FRRS1L: variants seen among roughly 807,000 people sequenced by gnomAD.
FRRS1L encodes the protein DOMON domain-containing protein FRRS1L.
Under a neutral mutation model 28.6 loss-of-function variants are expected in FRRS1L, and 22 were observed. That is an observed-to-expected ratio of 0.77 (90% CI 0.55 to 1.10). The LOEUF (loss-of-function observed/expected upper bound fraction) is 1.10. Ranked by LOEUF, FRRS1L falls within the 50% of genes least tolerant of loss-of-function variation. The pLI, the probability that FRRS1L is intolerant of heterozygous loss-of-function variation, is 0.00. For synonymous variants in FRRS1L, 158 were observed against 151.4 expected (o/e 1.04, Z -0.32); for missense variants, 380 against 386.9 (o/e 0.98, Z 0.15).
Position 109,149,649 on chromosome 9 carries a change from T to C in FRRS1L, c.310A>G (p.Lys104Glu). 1 of 1,611,612 alleles carries C rather than the reference T, an allele frequency of 6.2e-7. No individual in the cohort carries two copies. Among genetic ancestry groups the C allele is most frequent in the Non-Finnish European group, 8.5e-7 (1 of 1,177,734 alleles). Residue 104 changes from lysine to glutamate, a missense_variant, in exon 2 of 5, where the codon AAG (lysine) becomes GAG (glutamate). Coordinates refer to ENST00000561981, the MANE Select transcript of FRRS1L (RefSeq NM_014334.4). ...KIKVDDCGKT[K>E]GCFRYGKPGC... ...AGTTCCACCAACCTAAAGCATCCCT[T>C]AGTTTTTCCACAGTCGTCCACTTTG... is the stretch of plus-strand genomic sequence containing the variant.
chr9:109,165,811 C>T (rs1384426916), intron 1 of FRRS1L, among the ~76,000 whole-genome samples: 1 of 152,134 alleles, frequency 6.6e-6, no homozygotes, highest in Non-Finnish European at 1.5e-5. Context: ...TTCATTTTTC[C>T]CACTGTCTAG....
In FRRS1L at chr9:109,166,987, C is replaced by T; in HGVS notation, c.152G>A (p.Gly51Asp). ...GTGGCGCGGCACCGCCTCGTCGGCG[C>T]CCGTGTCCCCCCGCGCGCGTCCCCG... ...GPRGRARGDT[G>D]ADEAVPRHDS... is the part of the protein sequence containing the mutation. Residue 51 changes from glycine to aspartate, a missense_variant, in exon 1 of 5, where the codon GGC (glycine) becomes GAC (aspartate). Gly to Asp is a moderately conservative substitution (Grantham distance 94). Transcript: ENST00000561981. The T allele has an allele frequency of 1.6e-6, 2 of 1,274,778 alleles. No individual in the cohort carries two copies. Among genetic ancestry groups the T allele is most frequent in the Non-Finnish European group, 2.0e-6 (2 of 1,007,908 alleles). 79.0% of individuals were successfully genotyped at this position (1,274,778 alleles called of 1,614,324 possible).
In FRRS1L at chr9:109,131,617, C is replaced by A. The variant is rs1232560765; in HGVS notation, c.*5838G>T. ...AAGTTGAAAATATCATAAGTCAAAA[C>A]AATTATGGGACATAACCCCATTGTA... On this transcript the variant is annotated 3_prime_UTR_variant, in exon 5 of 5. Coordinates refer to ENST00000561981, the MANE Select transcript of FRRS1L (RefSeq NM_014334.4). The A allele has an allele frequency of 6.6e-6, 1 of 152,174 alleles. No homozygotes were observed. The highest frequency in any genetic ancestry group is 1.5e-5 in the Non-Finnish European group (1 of 68,038). The allele number at this position is 152,174 out of a possible 1,614,324, so 9.4% of individuals were successfully genotyped here. A position where few individuals can be genotyped will look rare whatever the true frequency, so the allele number is the denominator to read the frequency against.
Position 109,135,197 on chromosome 9 carries a change from A to T in FRRS1L, c.*2258T>A, listed in dbSNP as rs1052235538. ...GGTGGTATTAGAAATCACAATCACCAGTGTTGCTCAATCATAAAGCCCACG... is the reference window on the plus strand; with the variant it reads ...GGTGGTATTAGAAATCACAATCACCTGTGTTGCTCAATCATAAAGCCCACG... On this transcript the variant is annotated 3_prime_UTR_variant, in exon 5 of 5. Coordinates refer to ENST00000561981, the MANE Select transcript of FRRS1L (RefSeq NM_014334.4). 2 of 152,256 alleles carry T rather than the reference A, an allele frequency of 1.3e-5. No homozygotes were observed. The allele number at this position is 152,256 out of a possible 1,614,324, so 9.4% of individuals were successfully genotyped here.
intron 1 of FRRS1L, among the ~76,000 whole-genome samples, chr9:109,166,313 A>G (rs2139350): frequency 0.2 from 30,804 of 151,986 alleles, 3,398 homozygotes; most frequent in Middle Eastern, 0.24. Flanking sequence ...GCACTAGGGG[A>G]CCATAACATA....
rs151212816 is a variant in FRRS1L at position 109,165,930 on chromosome 9, G to A, written c.238+971C>T. Among the ~76,000 whole-genome samples, 483 of 152,322 alleles carry A rather than the reference G, an allele frequency of 3.2e-3. 5 individuals carry two copies. Among genetic ancestry groups the A allele is most frequent in the African/African-American group, 0.011 (467 of 41,572 alleles). ...AGGATCCAGAGACACTGGTGACCAA[G>A]GAGCCTCCAGACCAGTTCTGGATTA... is the stretch of plus-strand genomic sequence containing the variant. On this transcript the variant is annotated intron_variant, in intron 1 of 4. Transcript: ENST00000561981.
At chr9:109,148,810 T>A (rs898927512) in intron 2 of FRRS1L, among the ~76,000 whole-genome samples, 4 of 152,184 alleles carry the variant, frequency 2.6e-5, no homozygotes. Flanking sequence ...TATCCCCCAA[T>A]CACCAGGTTT....
chr9:109,150,408 G>T (rs1969337), intron 1 of FRRS1L: 48,388 of 151,918 alleles, frequency 0.32, 8,073 homozygotes, highest in Middle Eastern at 0.37. Flanking sequence ...TAGAGACAGG[G>T]TTTCACCATA....
chr9:109,137,426 C>T lies in FRRS1L; in HGVS notation c.*29G>A. The T allele has an allele frequency of 7.2e-7, 1 of 1,388,658 alleles. No homozygotes were observed. The highest frequency in any genetic ancestry group is 9.6e-7 in the Non-Finnish European group (1 of 1,036,452). The allele number at this position is 1,388,658 out of a possible 1,614,324, so 86.0% of individuals were successfully genotyped here. A position where few individuals can be genotyped will look rare whatever the true frequency, so the allele number is the denominator to read the frequency against. The stretch of plus-strand genomic sequence containing the variant: ...TATTTATACTAAAGACTTCCCAATC[C>T]ATGTAATCTGTTGGCCCTGCAGCTG... On this transcript the variant is annotated 3_prime_UTR_variant, in exon 5 of 5. Transcript: ENST00000561981.
chr9:109,136,084 T>C lies in FRRS1L; in HGVS notation c.*1371A>G, dbSNP rs1291673083. ...ATCTCTACTAAAAATACAAAAAAATTAGCCAGGCATAGTGGCACATGCCTG... is the reference window on the plus strand; with the variant it reads ...ATCTCTACTAAAAATACAAAAAAATCAGCCAGGCATAGTGGCACATGCCTG... On this transcript the variant is annotated 3_prime_UTR_variant, in exon 5 of 5. Coordinates refer to ENST00000561981, the MANE Select transcript of FRRS1L (RefSeq NM_014334.4). The C allele has an allele frequency of 1.3e-5, 2 of 151,742 alleles. No homozygotes were observed. Among genetic ancestry groups the C allele is most frequent in the East Asian group, 3.9e-4 (2 of 5,100 alleles). 9.4% of individuals were successfully genotyped at this position (151,742 alleles called of 1,614,324 possible).
chr9:109,147,160 G>T lies in FRRS1L; in HGVS notation c.353C>A (p.Thr118Asn), dbSNP rs1357292984. The stretch of plus-strand genomic sequence containing the variant: ...CCGGTAGCTGAGGAAATAGTCACAG[G>T]TCTCTGCATTACAGCCTGGTTTGCC... ...RYGKPGCNAE[T>N]CDYFLSYRMI... is the part of the protein sequence containing the mutation. The change falls in exon 3 of 5, where the codon ACC becomes AAC. Residue 118 changes from threonine to asparagine, a missense_variant. Thr to Asn is a moderately conservative substitution (Grantham distance 65, BLOSUM62 0). Transcript: ENST00000561981. The T allele has an allele frequency of 6.2e-7, 1 of 1,613,438 alleles. No homozygotes were observed. The highest frequency in any genetic ancestry group is 1.1e-5 in the South Asian group (1 of 91,062).
chr9:109,161,159 C>CT (rs1200637370), intron 1 of FRRS1L, among the ~76,000 whole-genome samples: 11 of 151,648 alleles, frequency 7.3e-5, no homozygotes, highest in Admixed American at 1.3e-4. Flanking sequence ...CTACACCTAC[C>CT]TGTCCTCCTT....
intron 3 of FRRS1L, 41 bp downstream of exon 3, chr9:109,147,010 T>G: frequency 6.3e-7 from 1 of 1,594,804 alleles, no homozygotes. Flanking sequence ...CACAGCCAAC[T>G]AAAGAGAAAA....
rs893794551 is a variant in FRRS1L, at chr9:109,132,118, C to G, written c.*5337G>C. ...CCTCCTGAGTAGCTGGGACTACAGGCTCCCGCCACCACGCCCAGCTAATTT... is the reference window on the plus strand; with the variant it reads ...CCTCCTGAGTAGCTGGGACTACAGGGTCCCGCCACCACGCCCAGCTAATTT... On this transcript the variant is annotated 3_prime_UTR_variant, in exon 5 of 5. Transcript: ENST00000561981. The G allele has an allele frequency of 6.6e-6, 1 of 152,208 alleles. No homozygotes were observed. Among genetic ancestry groups the G allele is most frequent in the African/African-American group, 2.4e-5 (1 of 41,520 alleles). 9.4% of individuals were successfully genotyped at this position (152,208 alleles called of 1,614,324 possible). A position where few individuals can be genotyped will look rare whatever the true frequency, so the allele number is the denominator to read the frequency against.
chr9:109,143,648 G>T (rs996293317), intron 3 of FRRS1L, among the ~76,000 whole-genome samples: 7 of 151,698 alleles, frequency 4.6e-5, no homozygotes, highest in Non-Finnish European at 8.8e-5. Flanking sequence ...CCGAGTGGCT[G>T]GGACTACAGG....
At chr9:109,149,272 T>C (rs1271618754) in intron 2 of FRRS1L, among the ~76,000 whole-genome samples, 1 of 152,164 alleles carries the variant, frequency 6.6e-6, no homozygotes, top group Admixed American at 6.6e-5. Context: ...AAAAAAGGAA[T>C]TGGGTACTAA....
intron 1 of FRRS1L, among the ~76,000 whole-genome samples, chr9:109,161,372 A>C (rs1020029487): frequency 3.9e-4 from 60 of 152,226 alleles, no homozygotes; most frequent in African/African-American, 1.4e-3. Flanking sequence ...GGGTTTTTTA[A>C]AAAAGGGTGT....
intron 1 of FRRS1L, among the ~76,000 whole-genome samples, chr9:109,156,763 C>A (rs1022507129): frequency 5.3e-5 from 8 of 149,844 alleles, no homozygotes; most frequent in Non-Finnish European, 1.2e-4. Context: ...ATGACTGTAA[C>A]CTCCACCTCC....
rs1831308961 is a variant in FRRS1L, at chr9:109,149,808, C to T, written c.239-88G>A. 7 of 875,590 alleles carry T rather than the reference C, an allele frequency of 8.0e-6. No homozygotes were observed. In the South Asian group the frequency reaches 1.1e-4, roughly 14 times the overall value. The allele number at this position is 875,590 out of a possible 1,614,324, so 54.2% of individuals were successfully genotyped here. A position where few individuals can be genotyped will look rare whatever the true frequency, so the allele number is the denominator to read the frequency against. Reference sequence around the variant, plus strand: ...TAAAAATGTGTTGACTGTTTTTTCTCACACATATCGAGAAATGTTTGGGGA... The same window carrying T: ...TAAAAATGTGTTGACTGTTTTTTCTTACACATATCGAGAAATGTTTGGGGA... On this transcript the variant is annotated intron_variant, in intron 1 of 4. Coordinates refer to ENST00000561981, the MANE Select transcript of FRRS1L (RefSeq NM_014334.4).
Sources: allele counts gnomAD v4.1 joint callset (sites outside exome capture counted in the v4.1 genomes callset), GRCh38; gene constraint gnomAD v4.1.1; transcripts MANE v1.5; gene names NCBI Gene and HGNC (gene_info 2026-07-23, HGNC 2026-07-21).